OCA2: variants seen among roughly 807,000 people sequenced by gnomAD.
OCA2 encodes P protein.
In OCA2, 77 loss-of-function variants were observed where a neutral mutation model predicts 100.2. That is an observed-to-expected ratio of 0.77 (90% CI 0.64 to 0.93). The LOEUF (loss-of-function observed/expected upper bound fraction) is 0.93, where lower values mean the gene tolerates loss of function less well. Among genes scored for constraint, OCA2 ranks in the 40% least tolerant of loss-of-function variants. The pLI, the probability that OCA2 is intolerant of heterozygous loss-of-function variation, is 0.00. For missense variants in OCA2, 1,062 were observed against 1,089.1 expected, an observed-to-expected ratio of 0.98 and a Z score of 0.35; for synonymous variants, 432 against 439.2, an observed-to-expected ratio of 0.98 and a Z score of 0.21.
chr15:27,851,549 A>G (rs2035755494), intron 21 of OCA2, 74 bp from the exon 22 acceptor site: 1 of 1,181,500 alleles, frequency 8.5e-7, no homozygotes, highest in Non-Finnish European at 1.2e-6. Context: ...ACCAATTTAG[A>G]AAATCCAAAT....
chr15:27,789,876 T>C (rs2032997600), intron 23 of OCA2, among the ~76,000 whole-genome samples: 1 of 152,222 alleles, frequency 6.6e-6, no homozygotes, highest in Admixed American at 6.5e-5. Context: ...CTTTGTGATC[T>C]TGTGCTAGCC....
intron 2 of OCA2, among the ~76,000 whole-genome samples, chr15:28,070,365 A>T (rs1223744820): frequency 3.1e-5 from 3 of 95,490 alleles, no homozygotes; most frequent in Admixed American, 3.0e-4. Context: ...GGTGAGGGGC[A>T]CCTCTGCCCG....
chr15:28,043,192 T>G lies in OCA2; in HGVS notation c.228-11029A>C, dbSNP rs1312187563. Among the ~76,000 whole-genome samples, 1 of 152,190 alleles carries G rather than the reference T, an allele frequency of 6.6e-6. No homozygotes were observed. The highest frequency in any genetic ancestry group is 1.5e-5 in the Non-Finnish European group (1 of 68,026). ...ATTACTTGGATGTAAGAACATCACC[T>G]GTATTTAAGGTCTAATTTCAATTGT... On this transcript the variant is annotated intron_variant, in intron 2 of 23. Transcript: ENST00000354638. The surrounding 1 kb of genome is among the most constrained non-coding windows in gnomAD (Gnocchi z 4.4).
intron 23 of OCA2, among the ~76,000 whole-genome samples, chr15:27,782,951 A>G (rs1158332494): frequency 1.3e-5 from 2 of 152,242 alleles, no homozygotes; most frequent in African/African-American, 4.8e-5. Context: ...GTCCTTGTTT[A>G]TTAAATCATT....
At chr15:27,805,366 G>A (rs917732093) in intron 23 of OCA2, among the ~76,000 whole-genome samples, 8 of 152,266 alleles carry the variant, frequency 5.3e-5, no homozygotes, top group African/African-American at 1.7e-4. Flanking sequence ...CCTGGGCTGG[G>A]CTGCGAGGCA....
At chr15:27,891,704 G>C (rs1363702924) in intron 19 of OCA2, among the ~76,000 whole-genome samples, 2 of 152,070 alleles carry the variant, frequency 1.3e-5, no homozygotes, top group Non-Finnish European at 2.9e-5. Context: ...ACCTGTAGTT[G>C]GTTGAACCCA....
rs920557269 is a variant in OCA2, at chr15:28,027,745, A to T, written c.515+126T>A. 3.1e-6 allele frequency: 3 copies of T among 982,754 alleles called. No homozygotes were observed. The African/African-American group carries it at 4.8e-5, about 16-fold the overall frequency. 60.9% of individuals were successfully genotyped at this position (982,754 alleles called of 1,614,324 possible). Reference sequence around the variant, plus strand: ...ATAAATCACCTTGGAGGAAAAGTGCAGCCTGGCCAGATGAGACAAAACTCA... The same window carrying T: ...ATAAATCACCTTGGAGGAAAAGTGCTGCCTGGCCAGATGAGACAAAACTCA... On this transcript the variant is annotated intron_variant, in intron 4 of 23. Transcript: ENST00000354638.
At chr15:28,085,910 C>T (rs1401885116) in intron 1 of OCA2, among the ~76,000 whole-genome samples, 1 of 152,196 alleles carries the variant, frequency 6.6e-6, no homozygotes, top group Non-Finnish European at 1.5e-5. Context: ...AGACAGAAAG[C>T]TTTTAGACAA....
chr15:28,087,330 G>A (rs953171741), intron 1 of OCA2, among the ~76,000 whole-genome samples: 5 of 152,130 alleles, frequency 3.3e-5, no homozygotes, highest in Non-Finnish European at 5.9e-5. Context: ...AAATCAAGAT[G>A]TTTTCAAAGA....
At chr15:28,081,375 T>C (rs2044616803) in intron 2 of OCA2, among the ~76,000 whole-genome samples, 1 of 152,204 alleles carries the variant, frequency 6.6e-6, no homozygotes, top group Non-Finnish European at 1.5e-5. Flanking sequence ...AATTGCAGAA[T>C]AATTGCAATA....
At chr15:27,907,554 A>C (rs2038225044) in intron 19 of OCA2, among the ~76,000 whole-genome samples, 1 of 152,224 alleles carries the variant, frequency 6.6e-6, no homozygotes, top group African/African-American at 2.4e-5. Flanking sequence ...TATATTAATT[A>C]ACCAACTCCC....
At chr15:27,893,973 T>C (rs2037577475) in intron 19 of OCA2, among the ~76,000 whole-genome samples, 1 of 152,158 alleles carries the variant, frequency 6.6e-6, no homozygotes, top group Non-Finnish European at 1.5e-5. Flanking sequence ...TCTTTGTACT[T>C]ACTCTCTGTT....
intron 2 of OCA2, among the ~76,000 whole-genome samples, chr15:28,073,231 C>T (rs774867483): frequency 5.9e-5 from 9 of 152,014 alleles, no homozygotes; most frequent in South Asian, 4.2e-4. Flanking sequence ...CTGGCCAACA[C>T]GGTGAAACCC....
At chr15:28,067,972 T>C (rs533475906) in intron 2 of OCA2, among the ~76,000 whole-genome samples, 2 of 152,306 alleles carry the variant, frequency 1.3e-5, no homozygotes, top group African/African-American at 4.8e-5. Context: ...CTGTAAGTCT[T>C]TTTACAGCTC....
intron 17 of OCA2, 148 bp from the exon 18 acceptor site, chr15:27,952,040 T>C: frequency 1.4e-6 from 1 of 713,252 alleles, no homozygotes. Flanking sequence ...CAAAGTACTG[T>C]GTTACAAGGA....
intron 2 of OCA2, among the ~76,000 whole-genome samples, chr15:28,045,658 T>C (rs1271463183): frequency 1.3e-5 from 2 of 152,154 alleles, no homozygotes; most frequent in African/African-American, 4.8e-5. Context: ...CAGGGCCACT[T>C]GCTTATGTAA....
At chr15:27,845,388 G>A (rs868594189) in intron 22 of OCA2, among the ~76,000 whole-genome samples, 2 of 151,904 alleles carry the variant, frequency 1.3e-5, no homozygotes, top group Middle Eastern at 3.2e-3. Flanking sequence ...AGCCCAGAAC[G>A]TGTGTCCCTC....
intron 1 of OCA2, among the ~76,000 whole-genome samples, chr15:28,091,773 C>T (rs554373287): frequency 6.6e-5 from 10 of 151,992 alleles, no homozygotes; most frequent in East Asian, 3.9e-4. Context: ...CTGGCCAACA[C>T]GGCGAAACCT....
chr15:27,869,715 C>T (rs1049499842), intron 21 of OCA2, among the ~76,000 whole-genome samples: 57 of 152,130 alleles, frequency 3.7e-4, no homozygotes, highest in African/African-American at 1.1e-3. Flanking sequence ...CGGGGTCCTG[C>T]GCTCGGTCCG....
Sources: gnomAD v4.1 joint callset for allele counts (sites outside exome capture counted in the v4.1 genomes callset) on GRCh38, gnomAD v4.1.1 for gene constraint, Gnocchi (gnomAD v3.1) non-coding constraint, MANE v1.5 for transcripts, NCBI Gene and HGNC (gene_info 2026-07-23, HGNC 2026-07-21) for gene names.